The following PRKD2 variants were observed in gnomAD, a reference collection of about 807,000 sequenced individuals.
PRKD2 encodes the protein protein kinase D2.
Under a neutral mutation model 86.0 loss-of-function variants are expected in PRKD2, and 22 were observed. The observed-to-expected ratio is 0.26, with a 90% CI of 0.18 to 0.37. PRKD2 has a LOEUF of 0.37. PRKD2 is among the 10% of genes least tolerant of loss of function. The pLI, the probability that PRKD2 is intolerant of heterozygous loss-of-function variation, is 1.00. For synonymous variants in PRKD2, 509 were observed against 510.9 expected (o/e 1.00, Z 0.05); for missense variants, 818 against 1,199.2 (o/e 0.68, Z 4.70).
intron 1 of PRKD2, 163 bp from the exon 2 acceptor site, chr19:46,714,164 C>T: frequency 7.5e-7 from 1 of 1,339,568 alleles, no homozygotes; most frequent in Non-Finnish European, 9.6e-7. Flanking sequence ...CCAGCGCGAG[C>T]CGGGCAGGAT....
At chr19:46,674,917 C>T in intron 17 of PRKD2, 116 bp downstream of exon 17, 1 of 1,223,888 alleles carries the variant, frequency 8.2e-7, no homozygotes, top group Non-Finnish European at 1.2e-6. Context: ...GGAGGCCTAG[C>T]CACATTCCAG....
Position 46,678,311 on chromosome 19 carries a change from G to T in PRKD2, c.2338+85C>A. The T allele has an allele frequency of 6.5e-7, 1 of 1,531,140 alleles. No homozygotes were observed. The allele number at this position is 1,531,140 out of a possible 1,614,324, so 94.8% of individuals were successfully genotyped here. On this transcript the variant is annotated intron_variant, in intron 16 of 17. Coordinates refer to ENST00000291281, the MANE Select transcript of PRKD2 (RefSeq NM_016457.5). The surrounding 1 kb of genome is among the most constrained non-coding windows in gnomAD (Gnocchi z 5.7). The stretch of plus-strand genomic sequence containing the variant: ...CCCCAAGGTGCCAGGCTGTTTCCGG[G>T]TCCACCCCCCTCTCATGGCTCCGCC...
rs890378508 is a variant in PRKD2, at chr19:46,674,316, T to C, written c.*207A>G. 8.6e-6 allele frequency: 5 copies of C among 583,944 alleles called. No individual in the cohort carries two copies. In the African/African-American group the frequency reaches 9.4e-5, roughly 11 times the overall value. The allele number at this position is 583,944 out of a possible 1,614,324, so 36.2% of individuals were successfully genotyped here. A position where few individuals can be genotyped will look rare whatever the true frequency, so the allele number is the denominator to read the frequency against. ...AGAGTAATGATTCGAGAGTGCCGTG[T>C]GCTGAGATCAAGGCCATGGGGCCAG... On this transcript the variant is annotated 3_prime_UTR_variant, in exon 18 of 18. Coordinates refer to ENST00000291281, the MANE Select transcript of PRKD2 (RefSeq NM_016457.5).
At chr19:46,714,129 G>C (rs1006582211) in intron 1 of PRKD2, 128 bp from the exon 2 acceptor site, 35 of 1,418,090 alleles carry the variant, frequency 2.5e-5, no homozygotes, top group African/African-American at 7.2e-5. Context: ...GCAGGCCCTC[G>C]CTTCCTGCCT....
intron 16 of PRKD2, among the ~76,000 whole-genome samples, chr19:46,676,602 G>T (rs2053206969): frequency 6.6e-6 from 1 of 152,188 alleles, no homozygotes; most frequent in South Asian, 2.1e-4. Context: ...GAAGGACAAG[G>T]CTTCACTGTA....
intron 5 of PRKD2, among the ~76,000 whole-genome samples, chr19:46,701,539 G>C (rs1352219803): frequency 6.6e-6 from 1 of 151,780 alleles, no homozygotes; most frequent in African/African-American, 2.4e-5. Flanking sequence ...TTTTAGTAGA[G>C]ACGGGGTTTC....
At chr19:46,686,788 G>A (rs1357234403) in intron 14 of PRKD2, among the ~76,000 whole-genome samples, 4 of 151,468 alleles carry the variant, frequency 2.6e-5, no homozygotes, top group Non-Finnish European at 1.5e-5. Context: ...TGTCTCTACT[G>A]AAAATACAAA....
In PRKD2 at chr19:46,701,166, G is replaced by A; in HGVS notation, c.890-54C>T. On this transcript the variant is annotated intron_variant, in intron 5 of 17. Coordinates refer to ENST00000291281, the MANE Select transcript of PRKD2 (RefSeq NM_016457.5). ...TGAGAAGGGGAAGAGAGGTTACCTG[G>A]AAGGCTTGAACCTTGACCCTAAGCC... 3.2e-6 allele frequency: 5 copies of A among 1,567,310 alleles called. No homozygotes were observed. In the South Asian group the frequency reaches 3.3e-5, roughly 10 times the overall value.
chr19:46,689,463 C>T, intron 14 of PRKD2, 74 bp downstream of exon 14: 1 of 1,497,518 alleles, frequency 6.7e-7, no homozygotes, highest in South Asian at 1.2e-5. Context: ...TGCTTGACCC[C>T]CTAGGCATAC....
Position 46,694,127 on chromosome 19 carries a change from G to A in PRKD2, c.1324C>T (p.Pro442Ser), listed in dbSNP as rs766836075. 1 of 1,613,560 alleles carries A rather than the reference G, an allele frequency of 6.2e-7. No homozygotes were observed. The highest frequency in any genetic ancestry group is 8.5e-7 in the Non-Finnish European group (1 of 1,179,546). Residue 442 changes from proline (P) to serine (S), a missense_variant, in exon 10 of 18, where the codon CCG becomes TCG. Physicochemically the swap from Pro to Ser is moderately conservative, Grantham distance 74 (BLOSUM62 -1). Around this residue, in one of 5 missense-constraint regions of PRKD2, gnomAD observed 127 missense variants for 157.8 expected, o/e 0.80. Coordinates refer to ENST00000291281, the MANE Select transcript of PRKD2 (RefSeq NM_016457.5). ...NTTNRYYKEI[P>S]LSEILTVESA... ...TCCACCGTGAGGATTTCTGACAGCG[G>A]AATTTCCTGCAGGACGTGGAACCAG... is the stretch of plus-strand genomic sequence containing the variant.
In PRKD2 at chr19:46,691,867, A is replaced by G. The variant is rs116984548; in HGVS notation, c.1630-60T>C. 22 of 1,610,982 alleles carry G rather than the reference A, an allele frequency of 1.4e-5. No individual in the cohort carries two copies. The East Asian group carries it at 4.7e-4, about 34-fold the overall frequency. On this transcript the variant is annotated intron_variant, in intron 11 of 17. Coordinates refer to ENST00000291281, the MANE Select transcript of PRKD2 (RefSeq NM_016457.5). ...AATGGAAATGGGGAAGGGGGAGTCA[A>G]GGAGACGAGAGAGCTGAGGAGGGTT...
chr19:46,678,517 C>G lies in PRKD2; in HGVS notation c.2217G>C (p.Val739=), dbSNP rs775850563. The G allele has an allele frequency of 6.2e-7, 1 of 1,614,226 alleles. No homozygotes were observed. Among genetic ancestry groups the G allele is most frequent in the Non-Finnish European group, 8.5e-7 (1 of 1,180,046 alleles). Residue 739 remains valine, a synonymous_variant, in exon 16 of 18, where the codon GTG becomes GTC. Transcript: ENST00000291281. The surrounding 1 kb of genome is among the most constrained non-coding windows in gnomAD (Gnocchi z 5.7). ...TGCCGCTGAGGCTGACGTACATGAT[C>G]ACGCCCACTGACCACATGTCCAGCG... ...NRSLDMWSVG[V]IMYVSLSGTF... is the part of the protein sequence containing the mutation.
intron 3 of PRKD2, 48 bp downstream of exon 3, chr19:46,710,859 G>A (rs1246666798): frequency 6.7e-6 from 10 of 1,501,364 alleles, no homozygotes; most frequent in African/African-American, 1.4e-5. Flanking sequence ...CTCCGCCCCC[G>A]GTGCAGAGCC....
At position 46,682,555 on chromosome 19, in the gene PRKD2, C is replaced by T. The variant is rs555091835; in HGVS notation, c.1972-807G>A. Among the ~76,000 whole-genome samples, 206 of 152,286 alleles carry T rather than the reference C, an allele frequency of 1.4e-3. 2 individuals carry two copies. The highest frequency in any genetic ancestry group is 1.5e-3 in the East Asian group (8 of 5,186). On this transcript the variant is annotated intron_variant, in intron 14 of 17. Transcript: ENST00000291281. ...AATCTCAGAATCATAGAACCATTTACATCTGAGAGATAAGAGTTAAATGTA... is the reference window on the plus strand; with the variant it reads ...AATCTCAGAATCATAGAACCATTTATATCTGAGAGATAAGAGTTAAATGTA...
intron 5 of PRKD2, among the ~76,000 whole-genome samples, chr19:46,701,653 TTGTGTGTG>T (rs111858403): frequency 2.4e-4 from 35 of 147,774 alleles, no homozygotes; most frequent in Non-Finnish European, 9.0e-5. Flanking sequence ...CGCGCCCGAC[TTGTGTGTG>T]TGTGTGTGTG....
chr19:46,679,256 GGAGGCA>G (rs2053259727), intron 15 of PRKD2, among the ~76,000 whole-genome samples: 1 of 152,056 alleles, frequency 6.6e-6, no homozygotes, highest in Non-Finnish European at 1.5e-5. Flanking sequence ...CCTGAACCTG[GGAGGCA>G]GAGGTTGCAG....
At chr19:46,697,353 A>C (rs2053574924) in intron 8 of PRKD2, 119 bp from the exon 9 acceptor site, 2 of 724,688 alleles carry the variant, frequency 2.8e-6, no homozygotes, top group South Asian at 1.8e-5. Flanking sequence ...TAACTCTAGC[A>C]CCTACCCCAC....
At chr19:46,698,281 C>T (rs1035504362) in intron 7 of PRKD2, among the ~76,000 whole-genome samples, 1 of 152,060 alleles carries the variant, frequency 6.6e-6, no homozygotes, top group Non-Finnish European at 1.5e-5. Context: ...CCTAGTCCCA[C>T]CCTTAGAATC....
Position 46,678,673 on chromosome 19 carries a change from G to C in PRKD2, c.2071-10C>G, listed in dbSNP as rs2053249254. On this transcript the variant is annotated splice_polypyrimidine_tract_variant and intron_variant, in intron 15 of 17. Transcript: ENST00000291281. The surrounding 1 kb of genome is among the most constrained non-coding windows in gnomAD (Gnocchi z 5.7). ...AGTCACACAGCTTCACCTGCAGAGGGCAAGGGATGGAGGCTCCACCAGGTG... is the reference window on the plus strand; with the variant it reads ...AGTCACACAGCTTCACCTGCAGAGGCCAAGGGATGGAGGCTCCACCAGGTG... 1.3e-6 allele frequency: 2 copies of C among 1,598,688 alleles called. No individual in the cohort carries two copies. Among genetic ancestry groups the C allele is most frequent in the South Asian group, 1.1e-5 (1 of 90,928 alleles).
Sources: allele counts gnomAD v4.1 joint callset (sites outside exome capture counted in the v4.1 genomes callset), GRCh38; gene constraint gnomAD v4.1.1; regional missense constraint gnomAD v4.1.1; non-coding constraint Gnocchi (gnomAD v3.1); transcripts MANE v1.5; gene names NCBI Gene and HGNC (gene_info 2026-07-23, HGNC 2026-07-21).